AVL9: variants seen among roughly 807,000 people sequenced by gnomAD.
The protein encoded by AVL9 is late secretory pathway protein AVL9 homolog.
In AVL9, 49 loss-of-function variants were observed where a neutral mutation model predicts 79.2. The ratio of observed to expected loss-of-function variants is 0.62; its 90% CI spans 0.49 to 0.79. AVL9 has a LOEUF of 0.79. Among genes scored for constraint, AVL9 ranks in the 30% least tolerant of loss-of-function variants. The pLI is 0.00. For synonymous variants in AVL9, 299 were observed against 280.6 expected (o/e 1.07, Z -0.65); for missense variants, 682 against 776.8 (o/e 0.88, Z 1.45).
intron 1 of AVL9, among the ~76,000 whole-genome samples, chr7:32,513,826 G>A (rs1444937105): frequency 6.6e-6 from 1 of 152,236 alleles, no homozygotes; most frequent in Non-Finnish European, 1.5e-5. Flanking sequence ...GGAATGTGGT[G>A]TAACTATAGG....
At chr7:32,546,025 C>T (rs922025080) in intron 3 of AVL9, among the ~76,000 whole-genome samples, 1 of 149,038 alleles carries the variant, frequency 6.7e-6, no homozygotes, top group Non-Finnish European at 1.5e-5. Context: ...AGATTGACAA[C>T]CACTGCTCTG....
intron 4 of AVL9, among the ~76,000 whole-genome samples, chr7:32,551,006 G>GTAC (rs984859722): frequency 2.6e-5 from 4 of 152,018 alleles, no homozygotes; most frequent in African/African-American, 9.7e-5. Context: ...CAAGTAAGAG[G>GTAC]TACTATTTTC....
chr7:32,504,391 T>C (rs1787317753), intron 1 of AVL9, among the ~76,000 whole-genome samples: 1 of 152,234 alleles, frequency 6.6e-6, no homozygotes, highest in Non-Finnish European at 1.5e-5. Flanking sequence ...TTACACCTTA[T>C]GTTTTGTACA....
rs1791740581 is a variant in AVL9 at position 32,585,565 on chromosome 7, G to T, written c.*1658G>T. ...GTATGATCTATCCCAGATTGCTGGG[G>T]AAATAAAGGAGGGCCCTGATTATAT... On this transcript the variant is annotated 3_prime_UTR_variant, in exon 16 of 16. Transcript: ENST00000318709. 1 of 152,194 alleles carries T rather than the reference G, an allele frequency of 6.6e-6. No homozygotes were observed. The highest frequency in any genetic ancestry group is 1.5e-5 in the Non-Finnish European group (1 of 68,038). The allele number at this position is 152,194 out of a possible 1,614,324, so 9.4% of individuals were successfully genotyped here.
intron 1 of AVL9, among the ~76,000 whole-genome samples, chr7:32,509,720 G>A (rs1279662887): frequency 2.6e-5 from 4 of 152,052 alleles, no homozygotes; most frequent in Non-Finnish European, 5.9e-5. Flanking sequence ...GCGTGGTGGC[G>A]GGCGCCTGTA....
In AVL9 at chr7:32,541,490, G is replaced by A. The variant is rs1019059080; in HGVS notation, c.94-1651G>A. Among the ~76,000 whole-genome samples the A allele has an allele frequency of 3.3e-5, 5 of 152,054 alleles. No homozygotes were observed. The East Asian group carries it at 9.7e-4, about 29-fold the overall frequency. On this transcript the variant is annotated intron_variant, in intron 1 of 15. Transcript: ENST00000318709. ...TTATTTTTTTACATTTATTTTTGGT[G>A]TTAAAAAATAATTCTGAATTGGTAA...
intron 1 of AVL9, among the ~76,000 whole-genome samples, chr7:32,506,120 T>A (rs910506695): frequency 1.3e-5 from 2 of 152,190 alleles, no homozygotes; most frequent in African/African-American, 4.8e-5. Flanking sequence ...AAGTTTAGTT[T>A]ATAAGCTAGG....
At chr7:32,537,119 C>T (rs896780782) in intron 1 of AVL9, 3 of 152,186 alleles carry the variant, frequency 2.0e-5, no homozygotes, top group Non-Finnish European at 4.4e-5. Context: ...AAAGTTCCAT[C>T]CCTTTAATCA....
rs1790412769 is a variant in AVL9, at chr7:32,563,368, T to C, written c.1215+3904T>C. On this transcript the variant is annotated intron_variant, in intron 10 of 15. Coordinates refer to ENST00000318709, the MANE Select transcript of AVL9 (RefSeq NM_015060.3). ...CTTTAAATTACCTCTAGATTATTTA[T>C]AATACCTAATGCAATGTAAATGCTA... Among the ~76,000 whole-genome samples the C allele has an allele frequency of 2.0e-5, 3 of 152,186 alleles. No homozygotes were observed. In the South Asian group the frequency reaches 6.2e-4, roughly 32 times the overall value.
At position 32,586,117 on chromosome 7, in the gene AVL9, A is replaced by C. The variant is rs1791765961; in HGVS notation, c.*2210A>C. ...GTCTCCCACTATTCAAAAGCAGCCC[A>C]ACTCATGCTTTGGAATCCACTGAAA... On this transcript the variant is annotated 3_prime_UTR_variant, in exon 16 of 16. Transcript: ENST00000318709. 6.6e-6 allele frequency: 1 copy of C among 152,176 alleles called. No homozygotes were observed. The highest frequency in any genetic ancestry group is 6.5e-5 in the Admixed American group (1 of 15,276). The allele number at this position is 152,176 out of a possible 1,614,324, so 9.4% of individuals were successfully genotyped here.
rs920562842 is a variant in AVL9 at position 32,554,006 on chromosome 7, G to A, written c.570+239G>A. Among the ~76,000 whole-genome samples, 5 of 152,292 alleles carry A rather than the reference G, an allele frequency of 3.3e-5. No individual in the cohort carries two copies. The East Asian group carries it at 9.6e-4, about 29-fold the overall frequency. On this transcript the variant is annotated intron_variant, in intron 7 of 15. Coordinates refer to ENST00000318709, the MANE Select transcript of AVL9 (RefSeq NM_015060.3). ...ACAAATACTGTTTACTTCTTTGCAG[G>A]ATAGGGTAATTTTTTCTATTGTTTT...
intron 1 of AVL9, among the ~76,000 whole-genome samples, chr7:32,517,820 TTG>T (rs1491045941): frequency 1.3e-4 from 8 of 60,892 alleles, no homozygotes; most frequent in African/African-American, 3.8e-4. Flanking sequence ...TGTTTTTTTT[TTG>T]TTTGTTTGTT....
chr7:32,563,996 G>T (rs1272554286), intron 10 of AVL9, among the ~76,000 whole-genome samples: 1 of 152,186 alleles, frequency 6.6e-6, no homozygotes, highest in Non-Finnish European at 1.5e-5. Context: ...TTTCTGAGCT[G>T]TGTTATGACT....
intron 1 of AVL9, among the ~76,000 whole-genome samples, chr7:32,507,706 T>A (rs1787468521): frequency 6.6e-6 from 1 of 152,228 alleles, no homozygotes; most frequent in South Asian, 2.1e-4. Flanking sequence ...ATCATGAGCA[T>A]TTTTTAGATG....
chr7:32,503,369 T>TAG (rs1237567459), intron 1 of AVL9, among the ~76,000 whole-genome samples: 1 of 101,318 alleles, frequency 9.9e-6, no homozygotes, highest in African/African-American at 3.7e-5. Flanking sequence ...GAGATATATA[T>TAG]ATATACACAC....
At chr7:32,541,966 C>T (rs1044992596) in intron 1 of AVL9, among the ~76,000 whole-genome samples, 2 of 152,140 alleles carry the variant, frequency 1.3e-5, no homozygotes, top group African/African-American at 4.8e-5. Context: ...CCACCCGCCT[C>T]AGCTCCCAAA....
intron 2 of AVL9, among the ~76,000 whole-genome samples, chr7:32,543,640 T>A (rs560530716): frequency 1.3e-5 from 2 of 152,338 alleles, no homozygotes; most frequent in African/African-American, 4.8e-5. Context: ...ATCACTCCAG[T>A]GCCCACCTTA....
intron 1 of AVL9, among the ~76,000 whole-genome samples, chr7:32,502,406 A>AAAAGAAAAG (rs1787174915): frequency 7.1e-6 from 1 of 140,118 alleles, no homozygotes; most frequent in Non-Finnish European, 1.5e-5. Flanking sequence ...AAAAAAAAAA[A>AAAAGAAAAG]AAAGAAAGAA....
intron 1 of AVL9, among the ~76,000 whole-genome samples, chr7:32,529,478 C>A (rs1788550806): frequency 6.6e-6 from 1 of 152,182 alleles, no homozygotes; most frequent in African/African-American, 2.4e-5. Flanking sequence ...CTAATACACC[C>A]TATAGCTCAG....
Sources: gnomAD v4.1 joint callset for allele counts (sites outside exome capture counted in the v4.1 genomes callset) on GRCh38, gnomAD v4.1.1 for gene constraint, MANE v1.5 for transcripts, NCBI Gene and HGNC (gene_info 2026-07-23, HGNC 2026-07-21) for gene names.